Variants in ASCC3 observed in about 807,000 individuals in gnomAD.
ASCC3 encodes activating signal cointegrator 1 complex subunit 3.
A neutral mutation model predicts 256.3 loss-of-function variants in ASCC3; 158 were observed. The observed-to-expected ratio is 0.62, with a 90% CI of 0.54 to 0.70. The LOEUF (loss-of-function observed/expected upper bound fraction) is 0.70, where lower values mean the gene tolerates loss of function less well. Among genes scored for constraint, ASCC3 ranks in the 30% least tolerant of loss-of-function variants. The pLI, the probability that ASCC3 is intolerant of heterozygous loss-of-function variation, is 0.00. For missense variants in ASCC3, 2,259 were observed against 2,626.0 expected (o/e 0.86, Z 3.05); for synonymous variants, 948 against 883.4 (o/e 1.07, Z -1.30).
intron 3 of ASCC3, chr6:100,858,968 A>G (rs1183340765): frequency 1.5e-6 from 1 of 648,686 alleles, no homozygotes; most frequent in Non-Finnish European, 2.8e-6. Flanking sequence ...TTTTTAAATG[A>G]CATTATGACA....
At chr6:100,647,881 A>AG (rs1460257858) in intron 20 of ASCC3, among the ~76,000 whole-genome samples, 7 of 152,130 alleles carry the variant, frequency 4.6e-5, no homozygotes, top group Admixed American at 1.3e-4. Flanking sequence ...GGGAAAAAAA[A>AG]TAATGAGAGA....
intron 4 of ASCC3, among the ~76,000 whole-genome samples, chr6:100,808,507 A>G (rs1770300920): frequency 6.6e-6 from 1 of 151,940 alleles, no homozygotes; most frequent in South Asian, 2.1e-4. Context: ...TTCCCTTTGT[A>G]GGCTTAAACC....
intron 4 of ASCC3, among the ~76,000 whole-genome samples, chr6:100,832,537 AAATTT>A (rs939331890): frequency 6.6e-6 from 1 of 152,128 alleles, no homozygotes; most frequent in Admixed American, 6.5e-5. Context: ...ACATGCCAGT[AAATTT>A]AATTATACAC....
At chr6:100,747,233 T>G (rs1297372418) in intron 10 of ASCC3, among the ~76,000 whole-genome samples, 1 of 151,500 alleles carries the variant, frequency 6.6e-6, no homozygotes, top group Non-Finnish European at 1.5e-5. Context: ...CTAGAATAAC[T>G]AAAATTACAA....
At chr6:100,868,837 C>T (rs1773605189) in intron 1 of ASCC3, among the ~76,000 whole-genome samples, 1 of 152,102 alleles carries the variant, frequency 6.6e-6, no homozygotes, top group Admixed American at 6.5e-5. Flanking sequence ...GAAGAACATA[C>T]CGGGAAAGAG....
In ASCC3 at chr6:100,848,683, G is replaced by A; in HGVS notation, c.266C>T (p.Ala89Val). ...QIVGTDNGRE[A>V]IESGAAFLFM... ...GAGAAATGCAGCCCCACTTTCAATT[G>A]CTTCTCTCCCATTATCAGTTCCAAC... Residue 89 changes from alanine to valine, a missense_variant, in exon 4 of 42, where the codon GCA becomes GTA. By Grantham distance (64) the Ala-to-Val change is moderately conservative (BLOSUM62 0). Around this residue, in one of 2 missense-constraint regions of ASCC3, gnomAD observed 420 missense variants for 419.3 expected, o/e 1.00. Coordinates refer to ENST00000369162, the MANE Select transcript of ASCC3 (RefSeq NM_006828.4). The A allele has an allele frequency of 6.2e-7, 1 of 1,613,000 alleles. No individual in the cohort carries two copies. Among genetic ancestry groups the A allele is most frequent in the Non-Finnish European group, 8.5e-7 (1 of 1,179,988 alleles).
chr6:100,710,029 T>C (rs993260869), intron 13 of ASCC3, among the ~76,000 whole-genome samples: 9 of 152,178 alleles, frequency 5.9e-5, no homozygotes, highest in Non-Finnish European at 1.0e-4. Flanking sequence ...TAAACCTTAC[T>C]TCTTAGGGCA....
chr6:100,695,851 G>A (rs998562143), intron 13 of ASCC3, among the ~76,000 whole-genome samples: 1 of 152,178 alleles, frequency 6.6e-6, no homozygotes, highest in East Asian at 1.9e-4. Flanking sequence ...CTCTCGCCAT[G>A]TAGATAGACC....
At chr6:100,810,027 T>C (rs913196597) in intron 4 of ASCC3, among the ~76,000 whole-genome samples, 10 of 152,132 alleles carry the variant, frequency 6.6e-5, no homozygotes, top group African/African-American at 2.4e-4. Flanking sequence ...AAATCCTTCA[T>C]AGTATCCTGA....
intron 14 of ASCC3, among the ~76,000 whole-genome samples, chr6:100,675,072 T>A (rs1452512864): frequency 6.6e-6 from 1 of 151,782 alleles, no homozygotes; most frequent in Admixed American, 6.6e-5. Context: ...TATATGAGGT[T>A]ACCTCCCTTT....
chr6:100,613,749 T>G (rs1773525844), intron 30 of ASCC3, among the ~76,000 whole-genome samples: 1 of 152,174 alleles, frequency 6.6e-6, no homozygotes, highest in Admixed American at 6.5e-5. Context: ...CTGAGAAATC[T>G]CCAGACTATT....
chr6:100,743,280 A>G (rs1015849173), intron 10 of ASCC3, among the ~76,000 whole-genome samples: 2 of 152,138 alleles, frequency 1.3e-5, no homozygotes, highest in African/African-American at 4.8e-5. Flanking sequence ...ATCAGTCACA[A>G]TGTGAGAACC....
chr6:100,618,581 T>C (rs903229350), intron 30 of ASCC3, among the ~76,000 whole-genome samples: 3 of 152,178 alleles, frequency 2.0e-5, no homozygotes, highest in Non-Finnish European at 2.9e-5. Context: ...AAATTATGCA[T>C]GGGTGAAACA....
intron 1 of ASCC3, among the ~76,000 whole-genome samples, chr6:100,871,924 G>A (rs1773761745): frequency 6.6e-6 from 1 of 152,334 alleles, no homozygotes; most frequent in Admixed American, 6.5e-5. Flanking sequence ...TATGTACACT[G>A]TACATGTCAT....
chr6:100,739,494 A>T (rs1780328735), intron 10 of ASCC3, among the ~76,000 whole-genome samples: 1 of 152,092 alleles, frequency 6.6e-6, no homozygotes, highest in Admixed American at 6.6e-5. Flanking sequence ...AAATTTTTTG[A>T]AATAGTTTCA....
At chr6:100,834,005 G>A (rs1771755219) in intron 4 of ASCC3, among the ~76,000 whole-genome samples, 1 of 152,214 alleles carries the variant, frequency 6.6e-6, no homozygotes. Flanking sequence ...GGCAGAAGTT[G>A]CAGTGAGCCG....
intron 3 of ASCC3, among the ~76,000 whole-genome samples, chr6:100,854,831 C>T (rs981095841): frequency 1.4e-4 from 22 of 152,188 alleles, no homozygotes; most frequent in South Asian, 8.3e-4. Context: ...GAAATTAAAA[C>T]AAATCATATA....
chr6:100,774,443 G>A (rs1760579772), intron 8 of ASCC3, among the ~76,000 whole-genome samples: 1 of 152,034 alleles, frequency 6.6e-6, no homozygotes, highest in Admixed American at 6.6e-5. Context: ...TTGGCTCACG[G>A]CAACCTCCGC....
At chr6:100,795,957 C>T (rs969811035) in intron 8 of ASCC3, among the ~76,000 whole-genome samples, 6 of 152,132 alleles carry the variant, frequency 3.9e-5, no homozygotes, top group African/African-American at 1.4e-4. Flanking sequence ...TATTATTACT[C>T]AAGCTTATGA....
Sources: allele counts gnomAD v4.1 joint callset (sites outside exome capture counted in the v4.1 genomes callset), GRCh38; gene constraint gnomAD v4.1.1; regional missense constraint gnomAD v4.1.1; transcripts MANE v1.5; gene names NCBI Gene and HGNC (gene_info 2026-07-23, HGNC 2026-07-21).